The following CHAF1A variants were observed in gnomAD, a reference collection of about 807,000 sequenced individuals.
CHAF1A encodes the protein chromatin assembly factor 1 subunit A, also known as CAF-1 subunit A.
Under a neutral mutation model 93.2 loss-of-function variants are expected in CHAF1A, and 5 were observed. That is an observed-to-expected ratio of 0.05 (90% CI 0.03 to 0.11). The LOEUF (loss-of-function observed/expected upper bound fraction) is 0.11, where lower values mean the gene tolerates loss of function less well. Ranked by LOEUF, CHAF1A falls within the 10% of genes least tolerant of loss-of-function variation. The pLI, the probability that CHAF1A is intolerant of heterozygous loss-of-function variation, is 1.00. For synonymous variants in CHAF1A, 504 were observed against 510.3 expected (o/e 0.99, Z 0.17); for missense variants, 1,102 against 1,259.9 (o/e 0.87, Z 1.90).
downstream of CHAF1A, chr19:4,446,200 G>A: frequency 6.3e-7 from 1 of 1,597,638 alleles, no homozygotes. Context: ...GAAAGTGCCT[G>A]GGGAGTGGGG....
chr19:4,403,716 C>G (rs568319360), intron 1 of CHAF1A, among the ~76,000 whole-genome samples: 4 of 152,242 alleles, frequency 2.6e-5, no homozygotes, highest in Admixed American at 2.6e-4. Flanking sequence ...GCCCTGTGTC[C>G]CCTATGGGGC....
chr19:4,426,447 T>C (rs1307654308), intron 7 of CHAF1A, among the ~76,000 whole-genome samples: 1 of 151,792 alleles, frequency 6.6e-6, no homozygotes, highest in Non-Finnish European at 1.5e-5. Context: ...GGATTACAGG[T>C]GTGAGCCACC....
intron 13 of CHAF1A, among the ~76,000 whole-genome samples, chr19:4,439,158 T>C (rs1399415157): frequency 6.6e-6 from 1 of 150,824 alleles, no homozygotes; most frequent in Admixed American, 6.6e-5. Context: ...TGCACGCCTG[T>C]AATCCCAGCT....
At chr19:4,446,939 G>A (rs377275281), downstream of CHAF1A, 45 of 1,611,718 alleles carry the variant, frequency 2.8e-5, no homozygotes, top group African/African-American at 1.9e-4. Flanking sequence ...GGAGATGGGC[G>A]TCACTGGGGG....
At position 4,409,644 on chromosome 19, in the gene CHAF1A, T is replaced by C. The variant is rs1371644969; in HGVS notation, c.845T>C (p.Leu282Pro). The stretch of plus-strand genomic sequence containing the variant: ...TCTTTCCCCGAAGAAGACTCTGTAC[T>C]CAGCCATTCGTCCCTGAGCTCTCCC... ...LESFPEEDSV[L>P]SHSSLSSPSS... Residue 282 changes from leucine to proline, a missense_variant, in exon 3 of 15, where the codon CTC becomes CCC. By Grantham distance (98) the Leu-to-Pro change is moderately conservative (BLOSUM62 -3). This residue lies in a region of CHAF1A where 379 missense variants were observed against 365.7 expected (regional missense o/e 1.04). Transcript: ENST00000301280. 1 of 1,614,042 alleles carries C rather than the reference T, an allele frequency of 6.2e-7. No individual in the cohort carries two copies. Among genetic ancestry groups the C allele is most frequent in the South Asian group, 1.1e-5 (1 of 91,084 alleles).
downstream of CHAF1A, chr19:4,445,801 C>T (rs1974498486): frequency 4.4e-6 from 5 of 1,133,628 alleles, no homozygotes; most frequent in Non-Finnish European, 6.1e-6. Context: ...GGACCTAAGC[C>T]TAAACCTACT....
Position 4,410,628 on chromosome 19 carries a change from G to A in CHAF1A, c.960+869G>A, listed in dbSNP as rs374322453. Reference sequence around the variant, plus strand: ...ATTTCTGACCTCAAGTAATCTGCCCGTCTTGGCCTCCCAAAGTGCTGGAAT... The same window carrying A: ...ATTTCTGACCTCAAGTAATCTGCCCATCTTGGCCTCCCAAAGTGCTGGAAT... On this transcript the variant is annotated intron_variant, in intron 3 of 14. Coordinates refer to ENST00000301280, the MANE Select transcript of CHAF1A (RefSeq NM_005483.3). Among the ~76,000 whole-genome samples the A allele has an allele frequency of 3.6e-4, 55 of 152,168 alleles. 1 individual carries two copies. In the East Asian group the frequency reaches 7.4e-3, roughly 20 times the overall value.
chr19:4,409,853 A>C (rs1973760752), intron 3 of CHAF1A, 94 bp downstream of exon 3: 8 of 1,436,486 alleles, frequency 5.6e-6, no homozygotes, highest in Middle Eastern at 2.0e-4. Flanking sequence ...TTTGTGGCAG[A>C]GTGAGCGGGG....
At chr19:4,449,946 G>A (rs931411127), downstream of CHAF1A, 1 of 152,202 alleles carries the variant, frequency 6.6e-6, no homozygotes, top group African/African-American at 2.4e-5. Context: ...AAAAGCTCTG[G>A]AGGCCGGGCA....
chr19:4,430,005 G>A (rs183880128), intron 10 of CHAF1A: 1 of 530,986 alleles, frequency 1.9e-6, no homozygotes, highest in Non-Finnish European at 3.4e-6. Context: ...GTGGCTGCTG[G>A]GGATGGGATC....
At chr19:4,444,088 T>C (rs1974450339), downstream of CHAF1A, among the ~76,000 whole-genome samples, 1 of 152,124 alleles carries the variant, frequency 6.6e-6, no homozygotes, top group Non-Finnish European at 1.5e-5. Flanking sequence ...ACACCTTTGA[T>C]GAGCTTTACA....
chr19:4,432,782 A>G (rs527379866), intron 12 of CHAF1A, among the ~76,000 whole-genome samples: 1 of 151,762 alleles, frequency 6.6e-6, no homozygotes, highest in East Asian at 1.9e-4. Flanking sequence ...AACTCAAAAA[A>G]CTGGGGAGGG....
Position 4,442,281 on chromosome 19 carries a change from A to T in CHAF1A, c.2710A>T (p.Thr904Ser). 1 of 1,613,868 alleles carries T rather than the reference A, an allele frequency of 6.2e-7. No homozygotes were observed. Among genetic ancestry groups the T allele is most frequent in the Non-Finnish European group, 8.5e-7 (1 of 1,179,918 alleles). The change falls in exon 14 of 15, where the codon ACG becomes TCG. Residue 904 changes from threonine (T) to serine (S), a missense_variant. Thr to Ser is a moderately conservative substitution (Grantham distance 58, BLOSUM62 1). This residue lies in a region of CHAF1A where 119 missense variants were observed against 102.2 expected (regional missense o/e 1.16). Coordinates refer to ENST00000301280, the MANE Select transcript of CHAF1A (RefSeq NM_005483.3). ...AGACATGGACGGCTTCCAGGCAGAC[A>T]CGGAGGAGGAGGAAGAGGAGGAGGG... ...AEDMDGFQAD[T>S]EEEEEEEGDC...
At chr19:4,408,294 A>G (rs2267946) in intron 2 of CHAF1A, among the ~76,000 whole-genome samples, 54,193 of 146,698 alleles carry the variant, frequency 0.37, 10,216 homozygotes, top group Non-Finnish European at 0.43. Context: ...CCGGGTTCAC[A>G]CCATTCTCCT....
intron 13 of CHAF1A, among the ~76,000 whole-genome samples, chr19:4,435,087 CTTTTTTTTTTTT>C (rs869255408): frequency 3.4e-5 from 3 of 87,966 alleles, no homozygotes; most frequent in African/African-American, 4.7e-5. Flanking sequence ...CTTTTTTTTC[CTTTTTTTTTTTT>C]TTTTTTTTTT....
At chr19:4,418,394 C>T (rs1469755080) in intron 4 of CHAF1A, among the ~76,000 whole-genome samples, 1 of 150,232 alleles carries the variant, frequency 6.7e-6, no homozygotes, top group African/African-American at 2.4e-5. Flanking sequence ...AGTCCATTTC[C>T]TTGTAGTCCT....
intron 3 of CHAF1A, among the ~76,000 whole-genome samples, chr19:4,415,065 G>A (rs904427022): frequency 2.6e-5 from 4 of 152,006 alleles, no homozygotes; most frequent in Non-Finnish European, 5.9e-5. Context: ...TGGGATTGTC[G>A]GTTTTTGTGT....
chr19:4,409,322 A>G lies in CHAF1A; in HGVS notation c.523A>G (p.Thr175Ala), dbSNP rs778512366. The G allele has an allele frequency of 1.9e-6, 3 of 1,614,034 alleles. No individual in the cohort carries two copies. The change falls in exon 3 of 15, where the codon ACC becomes GCC. Residue 175 changes from threonine (T) to alanine (A), a missense_variant. Around this residue, in one of 6 missense-constraint regions of CHAF1A, gnomAD observed 379 missense variants for 365.7 expected, o/e 1.04. Transcript: ENST00000301280. ...QNDKLAFPGE[T>A]LSDIPCKTEE... ...CGACAAGTTGGCATTTCCTGGAGAGACCCTTTCAGACATTCCTTGCAAAAC... is the reference window on the plus strand; with the variant it reads ...CGACAAGTTGGCATTTCCTGGAGAGGCCCTTTCAGACATTCCTTGCAAAAC...
chr19:4,446,264 G>T, downstream of CHAF1A: 1 of 1,567,898 alleles, frequency 6.4e-7, no homozygotes, highest in Non-Finnish European at 8.6e-7. Flanking sequence ...CGCCCTCCAC[G>T]GGCATCGTTG....
Sources: gnomAD v4.1 joint callset for allele counts (sites outside exome capture counted in the v4.1 genomes callset) on GRCh38, gnomAD v4.1.1 for gene constraint, gnomAD v4.1.1 regional missense constraint, MANE v1.5 for transcripts, NCBI Gene and HGNC (gene_info 2026-07-23, HGNC 2026-07-21) for gene names.